KLHL6: variants seen among roughly 807,000 people sequenced by gnomAD.
KLHL6 encodes kelch-like protein 6.
A neutral mutation model predicts 58.6 loss-of-function variants in KLHL6; 41 were observed. The ratio of observed to expected loss-of-function variants is 0.70; its 90% CI spans 0.55 to 0.91. The LOEUF is 0.91. Among genes scored for constraint, KLHL6 ranks in the 40% least tolerant of loss-of-function variants. The probability of loss-of-function intolerance (pLI) is 0.00; values close to 1 mark genes in which losing one functional copy is unlikely to be tolerated. For synonymous variants in KLHL6, 338 were observed against 322.7 expected, an observed-to-expected ratio of 1.05 and a Z score of -0.51; for missense variants, 714 against 805.6, an observed-to-expected ratio of 0.89 and a Z score of 1.38.
chr3:183,503,414 A>G (rs1717922985), intron 3 of KLHL6, among the ~76,000 whole-genome samples: 1 of 152,046 alleles, frequency 6.6e-6, no homozygotes, highest in Non-Finnish European at 1.5e-5. Flanking sequence ...TCAAATGGAG[A>G]CTGACATTTG....
rs1183688918 is a variant in KLHL6 at position 183,499,666 on chromosome 3, C to T, written c.1071G>A (p.Glu357=). Residue 357 remains glutamate (E), a synonymous_variant, in exon 4 of 7, where the codon GAG becomes GAA. Coordinates refer to ENST00000341319, the MANE Select transcript of KLHL6 (RefSeq NM_130446.4). This position sits in a 1 kb window ranked among gnomAD's most constrained non-coding sequence, Gnocchi z 4.6. ...RLEVAKLPLT[E]HELESENKKW... ...TCTTATTCTCACTCTCCAGCTCATG[C>T]TCTGTTAGCGGGAGCTTGGCCACCT... 2 of 1,611,584 alleles carry T rather than the reference C, an allele frequency of 1.2e-6. No homozygotes were observed. The highest frequency in any genetic ancestry group is 2.7e-5 in the African/African-American group (2 of 74,946).
Position 183,492,303 on chromosome 3 carries a change from A to G in KLHL6, c.1565-75T>C. On this transcript the variant is annotated intron_variant, in intron 6 of 6. Coordinates refer to ENST00000341319, the MANE Select transcript of KLHL6 (RefSeq NM_130446.4). The surrounding 1 kb of genome is among the most constrained non-coding windows in gnomAD (Gnocchi z 5.9). Reference sequence around the variant, plus strand: ...CTTCCCTCTTAACCACTAAAATTCAACTTCTGATTAGGCCAAGTCTACCCT... The same window carrying G: ...CTTCCCTCTTAACCACTAAAATTCAGCTTCTGATTAGGCCAAGTCTACCCT... 1.4e-6 allele frequency: 2 copies of G among 1,404,400 alleles called. No individual in the cohort carries two copies. The highest frequency in any genetic ancestry group is 1.4e-5 in the South Asian group (1 of 70,628). The allele number at this position is 1,404,400 out of a possible 1,614,324, so 87.0% of individuals were successfully genotyped here. A position where few individuals can be genotyped will look rare whatever the true frequency, so the allele number is the denominator to read the frequency against.
chr3:183,508,442 C>G lies in KLHL6; in HGVS notation c.526G>C (p.Gly176Arg). 1 of 1,614,176 alleles carries G rather than the reference C, an allele frequency of 6.2e-7. No individual in the cohort carries two copies. The highest frequency in any genetic ancestry group is 8.5e-7 in the Non-Finnish European group (1 of 1,180,034). Residue 176 changes from glycine to arginine, a missense_variant, in exon 3 of 7, where the codon GGA becomes CGA. By Grantham distance (125) the Gly-to-Arg change is moderately radical. Coordinates refer to ENST00000341319, the MANE Select transcript of KLHL6 (RefSeq NM_130446.4). ...TEALNPENCV[G>R]ILRLADTHSL... is the part of the protein sequence containing the mutation. The stretch of plus-strand genomic sequence containing the variant: ...TGTGTGTCAGCCAGCCTCAGTATTC[C>G]AACGCAGTTTTCTGGGTTCAAGGCT...
chr3:183,495,083 A>G (rs939366519), intron 4 of KLHL6, among the ~76,000 whole-genome samples: 2 of 152,190 alleles, frequency 1.3e-5, no homozygotes, highest in African/African-American at 4.8e-5. Context: ...TAAAGCAAAG[A>G]TTTACTTTTC....
intron 2 of KLHL6, among the ~76,000 whole-genome samples, chr3:183,510,275 G>A (rs1718143956): frequency 6.7e-6 from 1 of 149,160 alleles, no homozygotes; most frequent in Admixed American, 6.7e-5. Flanking sequence ...TGGGGGGAGA[G>A]GAAAGGGGAG....
intron 1 of KLHL6, among the ~76,000 whole-genome samples, chr3:183,531,253 G>A (rs1352605411): frequency 6.6e-6 from 1 of 151,922 alleles, no homozygotes; most frequent in Non-Finnish European, 1.5e-5. Context: ...GTCGGGGGAG[G>A]GGTTGTTGGG....
In KLHL6 at chr3:183,540,335, G is replaced by C. The variant is rs752338620; in HGVS notation, c.294-12325C>G. Among the ~76,000 whole-genome samples, 4 of 152,308 alleles carry C rather than the reference G, an allele frequency of 2.6e-5. No homozygotes were observed. The South Asian group carries it at 8.3e-4, about 32-fold the overall frequency. On this transcript the variant is annotated intron_variant, in intron 1 of 6. Transcript: ENST00000341319. ...CACAGAGGAAAGCGGGACTAAGAAG[G>C]AGAGAGAAACTGAGTCATGGTAACA... is the stretch of plus-strand genomic sequence containing the variant.
At chr3:183,527,715 TTTG>T in intron 2 of KLHL6, 127 bp downstream of exon 2, 1 of 732,452 alleles carries the variant, frequency 1.4e-6, no homozygotes, top group Non-Finnish European at 2.3e-6. Flanking sequence ...TGTGTGTGTG[TTTG>T]TGTGCGTGTG....
chr3:183,540,995 T>G (rs928097735), intron 1 of KLHL6, among the ~76,000 whole-genome samples: 1 of 152,098 alleles, frequency 6.6e-6, no homozygotes, highest in Non-Finnish European at 1.5e-5. Context: ...TTTTCCACTT[T>G]CCACTCCCAC....
chr3:183,510,221 C>T (rs1264748165), intron 2 of KLHL6, among the ~76,000 whole-genome samples: 1 of 150,010 alleles, frequency 6.7e-6, no homozygotes, highest in Admixed American at 6.7e-5. Context: ...CTACTGGACT[C>T]CTTATAGGGT....
chr3:183,523,693 T>G (rs1711847934), intron 2 of KLHL6, among the ~76,000 whole-genome samples: 1 of 38,594 alleles, frequency 2.6e-5, no homozygotes, highest in African/African-American at 1.3e-4. Context: ...TTCCCATGAG[T>G]TGTTGTTTGT....
chr3:183,522,796 G>GA (rs1711812814), intron 2 of KLHL6: 1 of 152,184 alleles, frequency 6.6e-6, no homozygotes, highest in Non-Finnish European at 1.5e-5. Flanking sequence ...GTCTTGGGCA[G>GA]TTTTTTGTTT....
At position 183,492,617 on chromosome 3, in the gene KLHL6, G is replaced by C. The variant is rs1301620142; in HGVS notation, c.1441C>G (p.Leu481Val). The C allele has an allele frequency of 2.5e-6, 4 of 1,614,058 alleles. No homozygotes were observed. Among genetic ancestry groups the C allele is most frequent in the African/African-American group, 1.3e-5 (1 of 74,932 alleles). ...TAACACTGAGTCTTGTCTGTGGCCA[G>C]TTTCCCATTGGGCCCTCCCCCGATC... ...YVIGGGPNGK[L>V]ATDKTQCYDP... Residue 481 changes from leucine to valine, a missense_variant, in exon 6 of 7, where the codon CTG becomes GTG. Leu to Val is a conservative substitution (Grantham distance 32). Around this residue, in one of 2 missense-constraint regions of KLHL6, gnomAD observed 510 missense variants for 629.7 expected, o/e 0.81. Transcript: ENST00000341319. This position sits in a 1 kb window ranked among gnomAD's most constrained non-coding sequence, Gnocchi z 5.9.
intron 2 of KLHL6, among the ~76,000 whole-genome samples, chr3:183,511,095 GTATT>G (rs1385307932): frequency 6.6e-6 from 1 of 152,150 alleles, no homozygotes; most frequent in African/African-American, 2.4e-5. Flanking sequence ...AGTTCCCTCA[GTATT>G]TATTGATTAC....
chr3:183,529,849 G>T, intron 1 of KLHL6, among the ~76,000 whole-genome samples: 1 of 152,088 alleles, frequency 6.6e-6, no homozygotes, highest in South Asian at 2.1e-4. Flanking sequence ...GGAAATAGGG[G>T]TTTTAGGAGG....
At chr3:183,518,931 C>T (rs1711645563) in intron 2 of KLHL6, among the ~76,000 whole-genome samples, 1 of 152,084 alleles carries the variant, frequency 6.6e-6, no homozygotes, top group Non-Finnish European at 1.5e-5. Context: ...GGGTGGGTTC[C>T]CGAGATGATG....
chr3:183,531,221 A>G (rs538120069), intron 1 of KLHL6, among the ~76,000 whole-genome samples: 1 of 152,144 alleles, frequency 6.6e-6, no homozygotes, highest in Non-Finnish European at 1.5e-5. Context: ...GAAGCCAGAC[A>G]GCCTCCATCA....
chr3:183,492,652 T>A lies in KLHL6; in HGVS notation c.1406A>T (p.Lys469Met). 6.2e-7 allele frequency: 1 copy of A among 1,614,096 alleles called. No individual in the cohort carries two copies. Among genetic ancestry groups the A allele is most frequent in the Non-Finnish European group, 8.5e-7 (1 of 1,180,042 alleles). Reference sequence around the variant, plus strand: ...GGGCCCTCCCCCGATCACATACAGCTTCTTCTTATGGCTGGTGGCTGCAAA... The same window carrying A: ...GGGCCCTCCCCCGATCACATACAGCATCTTCTTATGGCTGGTGGCTGCAAA... ...SSFAATSHKK[K>M]LYVIGGGPNG... Residue 469 changes from lysine (K) to methionine (M), a missense_variant, in exon 6 of 7, where the codon AAG (lysine) becomes ATG (methionine). Lys to Met is a moderately conservative substitution (Grantham distance 95, BLOSUM62 -1). Around this residue, in one of 2 missense-constraint regions of KLHL6, gnomAD observed 510 missense variants for 629.7 expected, o/e 0.81. Coordinates refer to ENST00000341319, the MANE Select transcript of KLHL6 (RefSeq NM_130446.4). This position sits in a 1 kb window ranked among gnomAD's most constrained non-coding sequence, Gnocchi z 5.9.
intron 3 of KLHL6, among the ~76,000 whole-genome samples, chr3:183,501,560 T>C (rs1297273021): frequency 2.6e-5 from 4 of 152,166 alleles, no homozygotes; most frequent in African/African-American, 9.7e-5. Context: ...AGTAACCTGT[T>C]GGGTGATTGA....
Sources: gnomAD v4.1 joint callset for allele counts (sites outside exome capture counted in the v4.1 genomes callset) on GRCh38, gnomAD v4.1.1 for gene constraint, gnomAD v4.1.1 regional missense constraint, Gnocchi (gnomAD v3.1) non-coding constraint, MANE v1.5 for transcripts, NCBI Gene and HGNC (gene_info 2026-07-23, HGNC 2026-07-21) for gene names.